NELL2: variants seen among roughly 807,000 people sequenced by gnomAD.
The protein encoded by NELL2 is neural EGFL like 2.
In NELL2, 41 loss-of-function variants were observed where a neutral mutation model predicts 109.6. The ratio of observed to expected loss-of-function variants is 0.37; its 90% CI spans 0.29 to 0.49. The LOEUF is 0.49. NELL2 is among the 20% of genes least tolerant of loss of function. The pLI is 0.98. For missense variants in NELL2, 900 were observed against 1,008.3 expected, an observed-to-expected ratio of 0.89 and a Z score of 1.45; for synonymous variants, 355 against 344.7, an observed-to-expected ratio of 1.03 and a Z score of -0.33.
intron 2 of NELL2, among the ~76,000 whole-genome samples, chr12:44,822,831 A>G (rs1294362195): frequency 6.6e-6 from 1 of 152,202 alleles, no homozygotes; most frequent in Non-Finnish European, 1.5e-5. Flanking sequence ...TAGTCATGGG[A>G]CTACCAGAAT....
chr12:44,716,130 T>C (rs565524343), intron 9 of NELL2, among the ~76,000 whole-genome samples: 58 of 152,252 alleles, frequency 3.8e-4, no homozygotes, highest in Non-Finnish European at 7.5e-4. Flanking sequence ...TATATTGTTG[T>C]ACAAATATTC....
chr12:44,829,876 T>C (rs1943833381), intron 2 of NELL2, among the ~76,000 whole-genome samples: 1 of 152,194 alleles, frequency 6.6e-6, no homozygotes, highest in Non-Finnish European at 1.5e-5. Flanking sequence ...AAGAGAAATG[T>C]TTATAAGTTA....
At chr12:44,874,907 A>C (rs1002398185) in intron 2 of NELL2, 1 of 225,070 alleles carries the variant, frequency 4.4e-6, no homozygotes, top group Non-Finnish European at 8.7e-6. Context: ...AATTTCACCC[A>C]AACGAGGCGT....
rs564240312 is a variant in NELL2, at chr12:44,875,000, C to T, written c.184+225G>A. 2.2e-4 allele frequency: 115 copies of T among 513,836 alleles called. No homozygotes were observed. The Middle Eastern group carries it at 2.6e-3, about 12-fold the overall frequency. The allele number at this position is 513,836 out of a possible 1,614,324, so 31.8% of individuals were successfully genotyped here. ...TCTGCTCAGTAATTAAGGGACTATC[C>T]ATTAGAACTGGCAAGAGTACAAAGT... On this transcript the variant is annotated intron_variant, in intron 2 of 19. Coordinates refer to ENST00000429094, the MANE Select transcript of NELL2 (RefSeq NM_001145108.2).
At chr12:44,536,552 T>C (rs2040266578) in intron 15 of NELL2, among the ~76,000 whole-genome samples, 1 of 151,978 alleles carries the variant, frequency 6.6e-6, no homozygotes, top group Admixed American at 6.6e-5. Flanking sequence ...AACTTCAAAG[T>C]TTGAACGCAT....
intron 2 of NELL2, among the ~76,000 whole-genome samples, chr12:44,841,992 T>C (rs1320864949): frequency 1.3e-5 from 2 of 149,644 alleles, no homozygotes; most frequent in African/African-American, 4.9e-5. Context: ...CAAAGGAAGA[T>C]AACAAAATTA....
intron 12 of NELL2, among the ~76,000 whole-genome samples, chr12:44,668,159 C>A (rs1341892974): frequency 6.6e-6 from 1 of 152,158 alleles, no homozygotes; most frequent in Non-Finnish European, 1.5e-5. Flanking sequence ...CCCATCAGTG[C>A]AAGCGGGTCC....
intron 19 of NELL2, among the ~76,000 whole-genome samples, chr12:44,512,034 A>G (rs991433113): frequency 3.3e-5 from 5 of 152,186 alleles, no homozygotes; most frequent in Non-Finnish European, 5.9e-5. Flanking sequence ...AAATCAACAG[A>G]ATGAAGAGAC....
chr12:44,584,838 A>C (rs969084493), intron 15 of NELL2, among the ~76,000 whole-genome samples: 1 of 152,174 alleles, frequency 6.6e-6, no homozygotes, highest in African/African-American at 2.4e-5. Context: ...CTCTCTGGTA[A>C]ATTTCCCTAA....
At chr12:44,824,271 G>A (rs1193601543) in intron 2 of NELL2, among the ~76,000 whole-genome samples, 1 of 152,008 alleles carries the variant, frequency 6.6e-6, no homozygotes, top group East Asian at 1.9e-4. Context: ...TTTTAGTTTG[G>A]TGCAATCTCA....
chr12:44,563,973 T>C (rs1473168889), intron 15 of NELL2, among the ~76,000 whole-genome samples: 1 of 152,218 alleles, frequency 6.6e-6, no homozygotes, highest in Non-Finnish European at 1.5e-5. Context: ...TAATATAGCA[T>C]ATATTGATAT....
chr12:44,758,322 G>A (rs1940978757), intron 9 of NELL2, among the ~76,000 whole-genome samples: 1 of 152,136 alleles, frequency 6.6e-6, no homozygotes, highest in African/African-American at 2.4e-5. Flanking sequence ...TTCTGTTCAG[G>A]ATGGTTGCGT....
intron 1 of NELL2, among the ~76,000 whole-genome samples, chr12:44,909,752 C>T (rs1945758590): frequency 6.6e-6 from 1 of 151,150 alleles, no homozygotes; most frequent in Non-Finnish European, 1.5e-5. Context: ...GACACACACA[C>T]ACACACACAC....
chr12:44,577,096 T>A (rs1944121184), intron 15 of NELL2, among the ~76,000 whole-genome samples: 1 of 132,526 alleles, frequency 7.5e-6, no homozygotes, highest in African/African-American at 3.0e-5. Context: ...CTATTTCTAG[T>A]TCTAGATCCC....
intron 15 of NELL2, among the ~76,000 whole-genome samples, chr12:44,587,947 A>T (rs182628126): frequency 1.5e-3 from 222 of 152,142 alleles, no homozygotes; most frequent in South Asian, 5.4e-3. Context: ...GTCAGGAGAT[A>T]GAGACCATCC....
chr12:44,863,666 C>G lies in NELL2; in HGVS notation c.184+11559G>C, dbSNP rs566576690. On this transcript the variant is annotated intron_variant, in intron 2 of 19. Transcript: ENST00000429094. Reference sequence around the variant, plus strand: ...CTTACAAGAAATGCTAAAGGGAGTTCTTCAAGCTCAAAGAAAAGGATGCTA... The same window carrying G: ...CTTACAAGAAATGCTAAAGGGAGTTGTTCAAGCTCAAAGAAAAGGATGCTA... Among the ~76,000 whole-genome samples, 18 of 152,240 alleles carry G rather than the reference C, an allele frequency of 1.2e-4. No individual in the cohort carries two copies. The South Asian group carries it at 3.7e-3, about 32-fold the overall frequency.
chr12:44,904,882 G>T (rs1360939732), intron 1 of NELL2, among the ~76,000 whole-genome samples: 1 of 151,486 alleles, frequency 6.6e-6, no homozygotes, highest in East Asian at 1.9e-4. Context: ...ATTACATTTT[G>T]AAAAAAAAGT....
intron 8 of NELL2, among the ~76,000 whole-genome samples, chr12:44,775,818 C>T (rs947478586): frequency 6.6e-6 from 1 of 152,168 alleles, no homozygotes; most frequent in Non-Finnish European, 1.5e-5. Context: ...TATAGCATTC[C>T]TAAACCATAA....
intron 11 of NELL2, among the ~76,000 whole-genome samples, chr12:44,705,957 AATATTATCTATGCCATATGTGAT>A: frequency 6.6e-6 from 1 of 152,222 alleles, no homozygotes; most frequent in South Asian, 2.1e-4. Flanking sequence ...GACTCTGCCC[AATATTATCTATGCCATATGTGAT>A]ATGCCACCTC....
Sources: allele counts gnomAD v4.1 joint callset (sites outside exome capture counted in the v4.1 genomes callset), GRCh38; gene constraint gnomAD v4.1.1; transcripts MANE v1.5; gene names NCBI Gene and HGNC (gene_info 2026-07-23, HGNC 2026-07-21).